PPP3CA: variants seen among roughly 807,000 people sequenced by gnomAD.
PPP3CA encodes protein phosphatase 3 catalytic subunit alpha.
PPP3CA carries 14 observed loss-of-function variants against 66.5 expected under a neutral mutation model. The ratio of observed to expected loss-of-function variants is 0.21; its 90% CI spans 0.14 to 0.33. The LOEUF is 0.33. Ranked by LOEUF, PPP3CA falls within the 10% of genes least tolerant of loss-of-function variation. The pLI, the probability that PPP3CA is intolerant of heterozygous loss-of-function variation, is 1.00. For missense variants in PPP3CA, 317 were observed against 639.5 expected, an observed-to-expected ratio of 0.50 and a Z score of 5.44; for synonymous variants, 232 against 226.2, an observed-to-expected ratio of 1.03 and a Z score of -0.23.
intron 8 of PPP3CA, among the ~76,000 whole-genome samples, chr4:101,076,084 C>T (rs1729177333): frequency 1.3e-5 from 2 of 152,166 alleles, no homozygotes; most frequent in South Asian, 2.1e-4. Flanking sequence ...GTAATTTTCA[C>T]CTGATTGGTG....
intron 2 of PPP3CA, among the ~76,000 whole-genome samples, chr4:101,137,768 G>A (rs1413202876): frequency 6.6e-5 from 10 of 150,932 alleles, no homozygotes; most frequent in Non-Finnish European, 1.3e-4. Flanking sequence ...TCCTCTCAAC[G>A]TTTTCTCCTA....
Position 101,098,403 on chromosome 4 carries a change from C to G in PPP3CA, c.606G>C (p.Leu202Phe), listed in dbSNP as rs1182750511. ...NQQFLCVHGG[L>F]SPEINTLDDI... ...CATCTAAAGTGTTAATCTCTGGAGA[C>G]AAACCACCATGCACACACAGGAACT... Residue 202 changes from leucine (L) to phenylalanine (F), a missense_variant, in exon 5 of 14, where the codon TTG becomes TTC. By Grantham distance (22) the Leu-to-Phe change is conservative (BLOSUM62 0). Around this residue, in one of 3 missense-constraint regions of PPP3CA, gnomAD observed 201 missense variants for 501.4 expected, o/e 0.40. Transcript: ENST00000394854. The G allele has an allele frequency of 1.2e-6, 2 of 1,610,794 alleles. No individual in the cohort carries two copies. The highest frequency in any genetic ancestry group is 1.7e-5 in the Admixed American group (1 of 59,400).
At chr4:101,188,793 A>G (rs1459352668) in intron 2 of PPP3CA, among the ~76,000 whole-genome samples, 2 of 152,242 alleles carry the variant, frequency 1.3e-5, no homozygotes, top group East Asian at 3.9e-4. Context: ...GGAGAAGAAT[A>G]GCTATCTGAC....
intron 1 of PPP3CA, among the ~76,000 whole-genome samples, chr4:101,216,214 ATTAT>A (rs1458690782): frequency 6.6e-6 from 1 of 152,188 alleles, no homozygotes; most frequent in East Asian, 1.9e-4. Context: ...ATTGAAAAAT[ATTAT>A]TTAAACGTTG....
In PPP3CA at chr4:101,347,103, TC is replaced by T. The variant is rs1490440789; in HGVS notation, c.-308del. 7.2e-5 allele frequency: 36 copies of T among 497,246 alleles called. No homozygotes were observed. The highest frequency in any genetic ancestry group is 1.1e-3 in the Middle Eastern group (2 of 1,804). The allele number at this position is 497,246 out of a possible 1,614,324, so 30.8% of individuals were successfully genotyped here. ...GCACGCCTCCCGGTTCTTCTTTTAT[TC>T]TTGGGGGAAGGGGGATGGGGAGGAG... On this transcript the variant is annotated 5_prime_UTR_variant, in exon 1 of 14. Transcript: ENST00000394854.
intron 1 of PPP3CA, among the ~76,000 whole-genome samples, chr4:101,215,862 C>T (rs752226979): frequency 2.6e-5 from 4 of 152,106 alleles, no homozygotes; most frequent in Admixed American, 6.6e-5. Flanking sequence ...TAAAGATGAA[C>T]GCCATCTAGC....
intron 8 of PPP3CA, among the ~76,000 whole-genome samples, chr4:101,073,270 A>T: frequency 6.8e-6 from 1 of 147,944 alleles, no homozygotes; most frequent in African/African-American, 2.5e-5. Flanking sequence ...GTATATACAC[A>T]CTTACATACT....
intron 1 of PPP3CA, among the ~76,000 whole-genome samples, chr4:101,308,821 A>T (rs761455399): frequency 2.6e-5 from 4 of 152,228 alleles, no homozygotes; most frequent in Non-Finnish European, 4.4e-5. Context: ...CTGCAATGTG[A>T]AATTTTATAT....
chr4:101,055,022 T>C lies in PPP3CA; in HGVS notation c.1156+6065A>G, dbSNP rs1019620438. The stretch of plus-strand genomic sequence containing the variant: ...GGGCTTCAGTTTAACTTCCACAGTT[T>C]TTTCTGGTGAGTGAGACTTATCACA... On this transcript the variant is annotated intron_variant, in intron 10 of 13. Transcript: ENST00000394854. Among the ~76,000 whole-genome samples, 75 of 152,214 alleles carry C rather than the reference T, an allele frequency of 4.9e-4. 1 individual carries two copies. Among genetic ancestry groups the C allele is most frequent in the Non-Finnish European group, 2.9e-5 (2 of 67,960 alleles).
intron 1 of PPP3CA, among the ~76,000 whole-genome samples, chr4:101,317,550 T>C (rs1446239498): frequency 6.6e-6 from 1 of 152,194 alleles, no homozygotes; most frequent in Non-Finnish European, 1.5e-5. Flanking sequence ...AGATCATGAT[T>C]AAGAGGCTCG....
intron 1 of PPP3CA, among the ~76,000 whole-genome samples, chr4:101,311,437 C>A (rs1229916816): frequency 6.6e-6 from 1 of 152,104 alleles, no homozygotes; most frequent in Non-Finnish European, 1.5e-5. Flanking sequence ...TGTTCTGGCC[C>A]CTAAGCCATG....
intron 1 of PPP3CA, among the ~76,000 whole-genome samples, chr4:101,275,343 T>C (rs1237277648): frequency 6.6e-6 from 1 of 152,228 alleles, no homozygotes; most frequent in African/African-American, 2.4e-5. Flanking sequence ...GCACCTTTCC[T>C]ATGTACTCTC....
At chr4:101,200,561 G>T (rs1198806074) in intron 1 of PPP3CA, among the ~76,000 whole-genome samples, 2 of 152,030 alleles carry the variant, frequency 1.3e-5, no homozygotes, top group Non-Finnish European at 1.5e-5. Flanking sequence ...AGATTCAAGA[G>T]AATATTTAGC....
intron 1 of PPP3CA, among the ~76,000 whole-genome samples, chr4:101,270,900 A>C (rs919345568): frequency 2.6e-5 from 4 of 152,184 alleles, no homozygotes; most frequent in African/African-American, 9.6e-5. Flanking sequence ...GAATTGTTCC[A>C]TAAACTACAT....
chr4:101,216,225 G>A (rs1025713111), intron 1 of PPP3CA, among the ~76,000 whole-genome samples: 2 of 152,000 alleles, frequency 1.3e-5, no homozygotes, highest in African/African-American at 2.4e-5. Context: ...TTATTTAAAC[G>A]TTGTACCCTG....
At chr4:101,342,466 C>T (rs766647567) in intron 1 of PPP3CA, among the ~76,000 whole-genome samples, 8 of 152,060 alleles carry the variant, frequency 5.3e-5, no homozygotes, top group African/African-American at 1.7e-4. Context: ...TAACTCGTAA[C>T]GAACAGGATG....
intron 2 of PPP3CA, among the ~76,000 whole-genome samples, chr4:101,176,725 T>A (rs1271571133): frequency 6.6e-6 from 1 of 151,856 alleles, no homozygotes; most frequent in Non-Finnish European, 1.5e-5. Flanking sequence ...ATAGAGAAAA[T>A]CACAGAGAAC....
chr4:101,234,124 T>G (rs1726050801), intron 1 of PPP3CA, among the ~76,000 whole-genome samples: 1 of 151,818 alleles, frequency 6.6e-6, no homozygotes, highest in Admixed American at 6.6e-5. Flanking sequence ...TATGTACATT[T>G]TCTTTATCCA....
At position 101,119,890 on chromosome 4, in the gene PPP3CA, T is replaced by A. The variant is rs547354207; in HGVS notation, c.260-10812A>T. On this transcript the variant is annotated intron_variant, in intron 2 of 13. Coordinates refer to ENST00000394854, the MANE Select transcript of PPP3CA (RefSeq NM_000944.5). Reference sequence around the variant, plus strand: ...TAAATGCCTTAAGCAAAGGAATGATTAGACTGATTATCCACTATCACTTCC... The same window carrying A: ...TAAATGCCTTAAGCAAAGGAATGATAAGACTGATTATCCACTATCACTTCC... 2.9e-4 allele frequency among the ~76,000 whole-genome samples: 44 copies of A among 152,208 alleles called. No homozygotes were observed. The East Asian group carries it at 8.3e-3, about 29-fold the overall frequency.
Sources: gnomAD v4.1 joint callset for allele counts (sites outside exome capture counted in the v4.1 genomes callset) on GRCh38, gnomAD v4.1.1 for gene constraint, gnomAD v4.1.1 regional missense constraint, MANE v1.5 for transcripts, NCBI Gene and HGNC (gene_info 2026-07-23, HGNC 2026-07-21) for gene names.